DGKB: variants seen among roughly 807,000 people sequenced by gnomAD.
DGKB encodes the protein 90 kDa diacylglycerol kinase.
In DGKB, 67 loss-of-function variants were observed where a neutral mutation model predicts 114.3. That is an observed-to-expected ratio of 0.59 (90% CI 0.48 to 0.72). DGKB has a LOEUF of 0.72. DGKB is among the 30% of genes least tolerant of loss of function. The pLI is 0.00. For missense variants in DGKB, 907 were observed against 975.2 expected (o/e 0.93, Z 0.93); for synonymous variants, 398 against 323.1 (o/e 1.23, Z -2.49).
At chr7:14,473,538 C>T (rs1410787569) in intron 21 of DGKB, among the ~76,000 whole-genome samples, 1 of 152,150 alleles carries the variant, frequency 6.6e-6, no homozygotes, top group African/African-American at 2.4e-5. Context: ...TACTGGGGCA[C>T]CACCTAGTGG....
At chr7:14,656,119 A>C (rs1186513683) in intron 13 of DGKB, among the ~76,000 whole-genome samples, 4 of 151,724 alleles carry the variant, frequency 2.6e-5, no homozygotes, top group Non-Finnish European at 5.9e-5. Flanking sequence ...TCATACAGGC[A>C]TCAAAATATC....
chr7:14,721,096 T>C (rs1487159932), intron 5 of DGKB, among the ~76,000 whole-genome samples: 2 of 152,184 alleles, frequency 1.3e-5, no homozygotes, highest in Admixed American at 1.3e-4. Flanking sequence ...AATGATTTAA[T>C]CAGCTTGATT....
chr7:14,867,458 C>T (rs1031680202), intron 1 of DGKB, among the ~76,000 whole-genome samples: 2 of 151,270 alleles, frequency 1.3e-5, no homozygotes, highest in African/African-American at 4.9e-5. Context: ...TGTGGATGTT[C>T]ACTTGTTCCA....
At chr7:14,608,781 A>G (rs1804982420) in intron 16 of DGKB, among the ~76,000 whole-genome samples, 1 of 152,060 alleles carries the variant, frequency 6.6e-6, no homozygotes, top group East Asian at 1.9e-4. Flanking sequence ...AATAACATCC[A>G]GCCAGAGTCA....
At chr7:14,616,663 A>G (rs1806591051) in intron 15 of DGKB, among the ~76,000 whole-genome samples, 1 of 151,774 alleles carries the variant, frequency 6.6e-6, no homozygotes, top group African/African-American at 2.4e-5. Flanking sequence ...AACAGCATAT[A>G]GAACAGATGA....
intron 20 of DGKB, among the ~76,000 whole-genome samples, chr7:14,566,269 G>T (rs1031126011): frequency 6.6e-6 from 1 of 151,966 alleles, no homozygotes; most frequent in Non-Finnish European, 1.5e-5. Context: ...TACTCATATG[G>T]CTTCACAAGT....
chr7:14,542,149 C>A (rs1395462725), intron 20 of DGKB, among the ~76,000 whole-genome samples: 1 of 152,020 alleles, frequency 6.6e-6, no homozygotes, highest in Non-Finnish European at 1.5e-5. Flanking sequence ...AACCTCCACA[C>A]TCTTTTTAAA....
chr7:14,399,920 C>T lies in DGKB; in HGVS notation c.1836-54529G>A, dbSNP rs575094485. On this transcript the variant is annotated intron_variant, in intron 21 of 25. Coordinates refer to ENST00000402815, the MANE Select transcript of DGKB (RefSeq NM_001350709.2). ...TTTCTCTTTTGATAGAAGAGATACA[C>T]GAAGGACAATATTAACAAGAAATTT... 1.2e-3 allele frequency among the ~76,000 whole-genome samples: 185 copies of T among 151,558 alleles called. 1 individual carries two copies. Among genetic ancestry groups the T allele is most frequent in the African/African-American group, 4.3e-3 (176 of 41,354 alleles).
chr7:14,515,539 A>G (rs374553541), intron 20 of DGKB, among the ~76,000 whole-genome samples: 3 of 152,194 alleles, frequency 2.0e-5, no homozygotes, highest in Non-Finnish European at 2.9e-5. Flanking sequence ...CTAAAGTTGG[A>G]TATCAACAGA....
intron 20 of DGKB, among the ~76,000 whole-genome samples, chr7:14,499,126 T>C (rs545615035): frequency 6.6e-6 from 1 of 151,864 alleles, no homozygotes; most frequent in South Asian, 2.1e-4. Context: ...TTATTATTAT[T>C]TTATAAATGA....
chr7:14,785,231 T>C (rs572441908), intron 2 of DGKB, among the ~76,000 whole-genome samples: 10 of 152,210 alleles, frequency 6.6e-5, no homozygotes, highest in Admixed American at 1.3e-4. Flanking sequence ...TAAAGGTTTA[T>C]AAATAACAAA....
chr7:14,664,934 A>C lies in DGKB; in HGVS notation c.1134+7995T>G, dbSNP rs528303001. Among the ~76,000 whole-genome samples the C allele has an allele frequency of 3.7e-4, 56 of 152,106 alleles. 1 individual carries two copies. The highest frequency in any genetic ancestry group is 6.8e-4 in the Non-Finnish European group (46 of 67,942). ...GGAAAGAAGGCAGGAAGAAAAGAGG[A>C]AAGAGAGGAAAAATAAACAGTAGAA... On this transcript the variant is annotated intron_variant, in intron 13 of 25. Coordinates refer to ENST00000402815, the MANE Select transcript of DGKB (RefSeq NM_001350709.2).
intron 21 of DGKB, among the ~76,000 whole-genome samples, chr7:14,426,778 A>G (rs1827622789): frequency 6.6e-6 from 1 of 152,116 alleles, no homozygotes; most frequent in South Asian, 2.1e-4. Context: ...CTATGGGCCA[A>G]GCGTGGCAGC....
intron 23 of DGKB, among the ~76,000 whole-genome samples, chr7:14,220,004 A>G (rs1789662334): frequency 6.6e-6 from 1 of 151,654 alleles, no homozygotes; most frequent in African/African-American, 2.4e-5. Context: ...TCATTAGGTG[A>G]TTTTGTCATT....
Position 14,695,947 on chromosome 7 carries a change from T to C in DGKB, c.592-1753A>G, listed in dbSNP as rs561650778. The stretch of plus-strand genomic sequence containing the variant: ...AGACATAATGTACAACTTTGTACCA[T>C]TTCAGCTCCCTGGAATAGTAGCAGA... On this transcript the variant is annotated intron_variant, in intron 8 of 25. Transcript: ENST00000402815. 2.6e-5 allele frequency among the ~76,000 whole-genome samples: 4 copies of C among 152,304 alleles called. No individual in the cohort carries two copies. The South Asian group carries it at 8.3e-4, about 32-fold the overall frequency.
intron 23 of DGKB, among the ~76,000 whole-genome samples, chr7:14,255,342 A>G (rs1451250553): frequency 6.6e-6 from 1 of 152,198 alleles, no homozygotes; most frequent in Non-Finnish European, 1.5e-5. Context: ...TACTACACAT[A>G]ATGCAATCAG....
At chr7:14,525,107 T>C (rs1299529480) in intron 20 of DGKB, among the ~76,000 whole-genome samples, 1 of 152,140 alleles carries the variant, frequency 6.6e-6, no homozygotes, top group East Asian at 1.9e-4. Context: ...GGATTTTTTT[T>C]TGAACTATTG....
intron 20 of DGKB, among the ~76,000 whole-genome samples, chr7:14,483,891 G>A (rs564689868): frequency 1.1e-4 from 17 of 152,092 alleles, no homozygotes; most frequent in African/African-American, 3.4e-4. Context: ...GGAGCACCTC[G>A]ATTTTAGTCC....
At chr7:14,866,038 G>A (rs1205088411) in intron 1 of DGKB, among the ~76,000 whole-genome samples, 1 of 152,126 alleles carries the variant, frequency 6.6e-6, no homozygotes, top group African/African-American at 2.4e-5. Flanking sequence ...GGTAATAGAG[G>A]AAGGTTACTT....
Sources: gnomAD v4.1 joint callset for allele counts (sites outside exome capture counted in the v4.1 genomes callset) on GRCh38, gnomAD v4.1.1 for gene constraint, MANE v1.5 for transcripts, NCBI Gene and HGNC (gene_info 2026-07-23, HGNC 2026-07-21) for gene names.